Variants in DNAAF8 observed in about 807,000 individuals in gnomAD.
The protein encoded by DNAAF8 is dynein axonemal assembly factor 8, also known as dynein axonemal-associated protein 1.
DNAAF8 carries 61 observed loss-of-function variants against 54.6 expected under a neutral mutation model. The ratio of observed to expected loss-of-function variants is 1.12; its 90% CI spans 0.91 to 1.38. The LOEUF (loss-of-function observed/expected upper bound fraction) is 1.38, where lower values mean the gene tolerates loss of function less well. DNAAF8 is among the 40% of genes most tolerant of loss of function. DNAAF8 has a pLI of 0.00. For missense variants in DNAAF8, 837 were observed against 665.0 expected (o/e 1.26, Z -2.85); for synonymous variants, 320 against 270.1 (o/e 1.18, Z -1.81).
chr16:4,739,788 T>C (rs988953504), intron 3 of DNAAF8, among the ~76,000 whole-genome samples: 4 of 151,996 alleles, frequency 2.6e-5, no homozygotes, highest in African/African-American at 9.7e-5. Flanking sequence ...CTTGTGCCTG[T>C]AATCCCACCA....
intron 3 of DNAAF8, 108 bp downstream of exon 3, chr16:4,738,054 C>CTTCCTT (rs2081918069): frequency 8.7e-7 from 1 of 1,149,260 alleles, no homozygotes; most frequent in Admixed American, 3.0e-5. Context: ...GAACATGGTC[C>CTTCCTT]TTTTTTTTTT....
intron 6 of DNAAF8, among the ~76,000 whole-genome samples, chr16:4,745,327 A>G (rs2082000983): frequency 6.6e-6 from 1 of 152,164 alleles, no homozygotes; most frequent in Non-Finnish European, 1.5e-5. Flanking sequence ...TAGGAAGGTT[A>G]TCATGTGACC....
In DNAAF8 at chr16:4,746,390, G is replaced by A; in HGVS notation, c.1059G>A (p.Lys353=). Residue 353 remains lysine, a synonymous_variant, in exon 7 of 10, where the codon AAG becomes AAA. Coordinates refer to ENST00000299320, the MANE Select transcript of DNAAF8 (RefSeq NM_139170.3). ...ADSGSRCASR[K]QGSQAGPGPQ... The stretch of plus-strand genomic sequence containing the variant: ...CTCATTTCAGATGTGCCTCAAGGAA[G>A]CAGGGCTCCCAGGCTGGGCCAGGCC... 6.2e-7 allele frequency: 1 copy of A among 1,612,526 alleles called. No homozygotes were observed. Among genetic ancestry groups the A allele is most frequent in the Non-Finnish European group, 8.5e-7 (1 of 1,179,518 alleles).
At chr16:4,748,367 G>T (rs2082045882) in intron 9 of DNAAF8, 1 of 151,818 alleles carries the variant, frequency 6.6e-6, no homozygotes, top group Admixed American at 6.6e-5. Context: ...TGAACTTTTT[G>T]AAAGAGGAGT....
intron 1 of DNAAF8, 33 bp from the exon 2 acceptor site, chr16:4,736,431 G>A (rs1277880690): frequency 6.6e-6 from 9 of 1,361,212 alleles, no homozygotes; most frequent in Admixed American, 5.5e-5. Flanking sequence ...TCAGTGGCCC[G>A]GACCCTCTTC....
At position 4,744,907 on chromosome 16, in the gene DNAAF8, A is replaced by G. The variant is rs751464520; in HGVS notation, c.939A>G (p.Glu313=). The change falls in exon 6 of 10, where the codon GAA becomes GAG. Residue 313 remains glutamate, a synonymous_variant. Coordinates refer to ENST00000299320, the MANE Select transcript of DNAAF8 (RefSeq NM_139170.3). ...CGAGCGCCCACAACAGGCTCATGGA[A>G]CAGCTGGCCCTCCTGTGCACCACGC... The part of the protein sequence containing the change: ...MVPSAHNRLM[E]QLALLCTTQS... 1 of 1,613,860 alleles carries G rather than the reference A, an allele frequency of 6.2e-7. No homozygotes were observed. Among genetic ancestry groups the G allele is most frequent in the Admixed American group, 1.7e-5 (1 of 60,028 alleles).
Position 4,736,538 on chromosome 16 carries a change from G to C in DNAAF8, c.24G>C (p.Met8Ile), listed in dbSNP as rs1185432592. 1.3e-6 allele frequency: 2 copies of C among 1,568,238 alleles called. No individual in the cohort carries two copies. The highest frequency in any genetic ancestry group is 2.3e-5 in the South Asian group (2 of 85,226). The change falls in exon 2 of 10, where the codon ATG becomes ATC. Residue 8 changes from methionine (M) to isoleucine (I), a missense_variant. Met to Ile is a conservative substitution (Grantham distance 10). Coordinates refer to ENST00000299320, the MANE Select transcript of DNAAF8 (RefSeq NM_139170.3). ...TCATGGCATCCAACGATAAAGGCAT[G>C]GCACCCTCGCTGGGCTCTCCCTGGG... is the stretch of plus-strand genomic sequence containing the variant. MASNDKG[M>I]APSLGSPWAS...
Position 4,738,064 on chromosome 16 carries a change from TC to T in DNAAF8, c.276+123del, listed in dbSNP as rs556518567. The T allele has an allele frequency of 1.6e-3, 2,000 of 1,257,710 alleles. 20 individuals carry two copies. In the African/African-American group the frequency reaches 0.027, roughly 17 times the overall value. 77.9% of individuals were successfully genotyped at this position (1,257,710 alleles called of 1,614,324 possible). A position where few individuals can be genotyped will look rare whatever the true frequency, so the allele number is the denominator to read the frequency against. On this transcript the variant is annotated intron_variant, in intron 3 of 9. Transcript: ENST00000299320. ...TGCTAGAACATGGTCCTTTTTTTTT[TC>T]CCCCATGTACAACCCAAGGTATTCA...
At chr16:4,737,624 C>G (rs1325428047) in intron 2 of DNAAF8, among the ~76,000 whole-genome samples, 176 bp from the exon 3 acceptor site, 3 of 152,106 alleles carry the variant, frequency 2.0e-5, no homozygotes, top group African/African-American at 7.2e-5. Context: ...CACAGCAAGG[C>G]TGACTGGGAG....
chr16:4,738,901 TAAAG>T (rs1301390308), intron 3 of DNAAF8, among the ~76,000 whole-genome samples: 3 of 151,620 alleles, frequency 2.0e-5, no homozygotes, highest in Non-Finnish European at 4.4e-5. Context: ...AAAATAATAA[TAAAG>T]AAAAGAAAAC....
At position 4,737,959 on chromosome 16, in the gene DNAAF8, C is replaced by T. The variant is rs771927622; in HGVS notation, c.276+13C>T. Reference sequence around the variant, plus strand: ...GTCCCTTCCCGAGGTCTGTGGGACACAGAAGAGTATACGCCTGTGTGTGTG... The same window carrying T: ...GTCCCTTCCCGAGGTCTGTGGGACATAGAAGAGTATACGCCTGTGTGTGTG... On this transcript the variant is annotated intron_variant, in intron 3 of 9. Transcript: ENST00000299320. 1.9e-6 allele frequency: 3 copies of T among 1,613,512 alleles called. No individual in the cohort carries two copies. The highest frequency in any genetic ancestry group is 2.2e-5 in the South Asian group (2 of 91,046).
At chr16:4,735,623 C>G (rs1342408133) in intron 1 of DNAAF8, among the ~76,000 whole-genome samples, 1 of 150,318 alleles carries the variant, frequency 6.7e-6, no homozygotes, top group East Asian at 1.9e-4. Context: ...AGGGGCTGGT[C>G]AGAGTAGTGA....
intron 5 of DNAAF8, 172 bp downstream of exon 5, chr16:4,743,332 C>A: frequency 1.8e-6 from 1 of 555,172 alleles, no homozygotes; most frequent in Non-Finnish European, 3.1e-6. Context: ...AGACTTCATT[C>A]ATTCAACATA....
chr16:4,746,850 G>T (rs574122433), intron 7 of DNAAF8, 77 bp from the exon 8 acceptor site: 7 of 1,333,980 alleles, frequency 5.2e-6, no homozygotes, highest in Non-Finnish European at 7.0e-6. Context: ...AGCAAAGCCC[G>T]AGTGCTTCAA....
intron 1 of DNAAF8, chr16:4,734,901 G>C (rs2081855687): frequency 6.6e-6 from 1 of 152,154 alleles, no homozygotes; most frequent in South Asian, 2.1e-4. Context: ...GCGGGGCTCT[G>C]AGAACCGGGG....
intron 8 of DNAAF8, 138 bp downstream of exon 8, chr16:4,747,163 T>G (rs2082028375): frequency 8.3e-7 from 1 of 1,208,424 alleles, no homozygotes; most frequent in Non-Finnish European, 1.2e-6. Context: ...ACGGCACAGC[T>G]TTCATCATCC....
chr16:4,742,417 G>A (rs558863262), intron 4 of DNAAF8, among the ~76,000 whole-genome samples: 11 of 151,834 alleles, frequency 7.2e-5, no homozygotes, highest in Admixed American at 4.6e-4. Flanking sequence ...TAGGCTGGGC[G>A]TGGTGGCTCA....
At chr16:4,747,300 G>T in intron 8 of DNAAF8, 43 bp from the exon 9 acceptor site, 1 of 1,518,136 alleles carries the variant, frequency 6.6e-7, no homozygotes, top group Non-Finnish European at 8.8e-7. Flanking sequence ...TGGGAGGGGC[G>T]GCCCCCACGG....
Position 4,747,468 on chromosome 16 carries a change from C to T in DNAAF8, c.1406C>T (p.Ala469Val), listed in dbSNP as rs1187624935. The T allele has an allele frequency of 1.2e-6, 2 of 1,613,156 alleles. No individual in the cohort carries two copies. Among genetic ancestry groups the T allele is most frequent in the Admixed American group, 1.7e-5 (1 of 60,016 alleles). ...GGRAQAPEDT[A>V]GSRTGRKQHM... ...AGGGCTCAGGCCCCTGAAGACACAGCTGGATCACGAACTGGGAGGAAGCAA... is the reference window on the plus strand; with the variant it reads ...AGGGCTCAGGCCCCTGAAGACACAGTTGGATCACGAACTGGGAGGAAGCAA... The change falls in exon 9 of 10, where the codon GCT becomes GTT. Residue 469 changes from alanine to valine, a missense_variant. Transcript: ENST00000299320.
Sources: allele counts gnomAD v4.1 joint callset (sites outside exome capture counted in the v4.1 genomes callset), GRCh38; gene constraint gnomAD v4.1.1; transcripts MANE v1.5; gene names NCBI Gene and HGNC (gene_info 2026-07-23, HGNC 2026-07-21).